The following CHODL variants were observed in gnomAD, a reference collection of about 807,000 sequenced individuals.
CHODL encodes the protein transmembrane protein MT75.
A neutral mutation model predicts 34.5 loss-of-function variants in CHODL; 29 were observed. The observed-to-expected ratio is 0.84, with a 90% CI of 0.63 to 1.15. The LOEUF is 1.15. CHODL is among the 50% of genes most tolerant of loss of function. The probability of loss-of-function intolerance (pLI) is 0.00; values close to 1 mark genes in which losing one functional copy is unlikely to be tolerated. For synonymous variants in CHODL, 125 were observed against 116.1 expected, an observed-to-expected ratio of 1.08 and a Z score of -0.49; for missense variants, 332 against 332.5, an observed-to-expected ratio of 1.00 and a Z score of 0.01.
intron 2 of CHODL, among the ~76,000 whole-genome samples, chr21:18,175,747 A>G (rs932160132): frequency 2.6e-5 from 4 of 152,162 alleles, no homozygotes; most frequent in Non-Finnish European, 5.9e-5. Context: ...ATCAAAAGAG[A>G]GGCTGTTACT....
In CHODL at chr21:18,267,276, C is replaced by A. The variant is rs967466463; in HGVS notation, c.*1238C>A. On this transcript the variant is annotated 3_prime_UTR_variant, in exon 6 of 6. Coordinates refer to ENST00000299295, the MANE Select transcript of CHODL (RefSeq NM_024944.3). ...TATCTCCTAGTTTCTTCAATGCTTACGCCTTGTTCTTCTCAAGAGAAAGTT... is the reference window on the plus strand; with the variant it reads ...TATCTCCTAGTTTCTTCAATGCTTAAGCCTTGTTCTTCTCAAGAGAAAGTT... 6.6e-6 allele frequency: 1 copy of A among 152,134 alleles called. No homozygotes were observed. The highest frequency in any genetic ancestry group is 1.5e-5 in the Non-Finnish European group (1 of 68,022). 9.4% of individuals were successfully genotyped at this position (152,134 alleles called of 1,614,324 possible).
At chr21:18,066,361 A>G (rs773952394) in intron 2 of CHODL, among the ~76,000 whole-genome samples, 5 of 152,210 alleles carry the variant, frequency 3.3e-5, no homozygotes, top group South Asian at 2.1e-4. Context: ...AAACCTCAAT[A>G]TGGGAATGTC....
chr21:18,176,208 T>C (rs137903175), intron 2 of CHODL, among the ~76,000 whole-genome samples: 136 of 152,174 alleles, frequency 8.9e-4, no homozygotes, highest in African/African-American at 3.0e-3. Context: ...GTTAGAAGAA[T>C]TGGCAAAGAA....
chr21:18,000,400 A>G (rs2063893911), intron 1 of CHODL, among the ~76,000 whole-genome samples: 1 of 152,142 alleles, frequency 6.6e-6, no homozygotes, highest in East Asian at 1.9e-4. Context: ...TGGTGTTATA[A>G]TTGTAAGATA....
At chr21:18,251,596 ATT>A in intron 1 of CHODL, among the ~76,000 whole-genome samples, 5 of 95,872 alleles carry the variant, frequency 5.2e-5, no homozygotes, top group African/African-American at 2.3e-4. Context: ...TATTTATTTT[ATT>A]TATTTATTTT....
At chr21:17,983,317 T>C (rs2063729120) in intron 1 of CHODL, among the ~76,000 whole-genome samples, 1 of 152,188 alleles carries the variant, frequency 6.6e-6, no homozygotes. Flanking sequence ...ATTTAAAAAA[T>C]ATTATTTGTA....
At chr21:18,097,932 A>T (rs1688161) in intron 2 of CHODL, among the ~76,000 whole-genome samples, 60,996 of 151,660 alleles carry the variant, frequency 0.4, 13,459 homozygotes, top group Non-Finnish European at 0.51. Flanking sequence ...CAGTAAATTA[A>T]TTTTTGACAA....
At chr21:18,194,554 AG>A (rs1169781114) in intron 2 of CHODL, among the ~76,000 whole-genome samples, 1 of 151,948 alleles carries the variant, frequency 6.6e-6, no homozygotes, top group African/African-American at 2.4e-5. Context: ...GTCATTTATC[AG>A]AGAGCCCTTC....
At chr21:18,256,437 A>G in intron 1 of CHODL, 72 bp from the exon 2 acceptor site, 1 of 1,371,594 alleles carries the variant, frequency 7.3e-7, no homozygotes, top group African/African-American at 1.5e-5. Flanking sequence ...TGGTTCTTAC[A>G]TTTTGATTCT....
intron 1 of CHODL, among the ~76,000 whole-genome samples, chr21:18,249,448 G>A (rs2146792898): frequency 6.6e-6 from 1 of 152,058 alleles, no homozygotes; most frequent in Admixed American, 6.6e-5. Flanking sequence ...GAAAATCTGA[G>A]ACAGAGGCAA....
chr21:18,201,397 G>A (rs887106044), intron 2 of CHODL, among the ~76,000 whole-genome samples: 2 of 151,978 alleles, frequency 1.3e-5, no homozygotes, highest in South Asian at 4.2e-4. Context: ...TCAAAATGTA[G>A]CCTCATTATA....
chr21:18,249,382 T>C (rs1330746554), intron 1 of CHODL, among the ~76,000 whole-genome samples: 3 of 151,666 alleles, frequency 2.0e-5, no homozygotes, highest in Non-Finnish European at 4.4e-5. Context: ...ATCTAGTTTG[T>C]TTTATTTGGA....
intron 1 of CHODL, among the ~76,000 whole-genome samples, chr21:17,997,047 A>G (rs376015641): frequency 6.6e-6 from 1 of 152,184 alleles, no homozygotes; most frequent in African/African-American, 2.4e-5. Flanking sequence ...TTGTCACCAG[A>G]ACATTGAACA....
intron 2 of CHODL, among the ~76,000 whole-genome samples, chr21:18,208,305 C>T (rs2073736436): frequency 6.6e-6 from 1 of 151,848 alleles, no homozygotes; most frequent in Non-Finnish European, 1.5e-5. Flanking sequence ...TATTTTTCGA[C>T]TCCAGAATTT....
At chr21:18,240,923 T>C (rs1247649260), upstream of CHODL, among the ~76,000 whole-genome samples, 2 of 152,114 alleles carry the variant, frequency 1.3e-5, no homozygotes, top group African/African-American at 2.4e-5. Flanking sequence ...GAAAATCATG[T>C]GTATTAATGT....
intron 2 of CHODL, among the ~76,000 whole-genome samples, chr21:18,059,572 C>T (rs1056823885): frequency 3.3e-5 from 5 of 150,594 alleles, no homozygotes; most frequent in East Asian, 2.0e-4. Context: ...CATGGGTAAA[C>T]GTGCTGCACA....
intron 2 of CHODL, among the ~76,000 whole-genome samples, chr21:18,230,279 C>A (rs2073967269): frequency 1.3e-5 from 2 of 152,076 alleles, no homozygotes; most frequent in African/African-American, 4.8e-5. Flanking sequence ...TGATATAAAT[C>A]ATTCAAATTT....
At chr21:18,249,087 TA>T (rs1449667591) in intron 1 of CHODL, among the ~76,000 whole-genome samples, 3 of 123,324 alleles carry the variant, frequency 2.4e-5, no homozygotes, top group Non-Finnish European at 4.8e-5. Flanking sequence ...ATATATATAA[TA>T]AAATATATAT....
At chr21:18,053,939 A>T (rs570539880) in intron 2 of CHODL, among the ~76,000 whole-genome samples, 149 of 70,762 alleles carry the variant, frequency 2.1e-3, no homozygotes, top group Non-Finnish European at 6.8e-3. Flanking sequence ...TGTATAATTT[A>T]TATATATCAC....
Sources: allele counts gnomAD v4.1 joint callset (sites outside exome capture counted in the v4.1 genomes callset), GRCh38; gene constraint gnomAD v4.1.1; transcripts MANE v1.5; gene names NCBI Gene and HGNC (gene_info 2026-07-23, HGNC 2026-07-21).